CUX1: variants seen among roughly 807,000 people sequenced by gnomAD.
CUX1 encodes the protein protein CASP.
A neutral mutation model predicts 158.8 loss-of-function variants in CUX1; 31 were observed. That is an observed-to-expected ratio of 0.20 (90% confidence interval 0.15 to 0.26). CUX1 has a LOEUF of 0.26. CUX1 is among the 10% of genes least tolerant of loss of function. The pLI, the probability that CUX1 is intolerant of heterozygous loss-of-function variation, is 1.00. For synonymous variants in CUX1, 879 were observed against 862.1 expected (o/e 1.02, Z -0.34); for missense variants, 1,589 against 2,014.6 (o/e 0.79, Z 4.04).
At chr7:102,188,204 TA>T (rs35225944) in intron 11 of CUX1, among the ~76,000 whole-genome samples, 20 of 147,230 alleles carry the variant, frequency 1.4e-4, no homozygotes, top group South Asian at 4.3e-4. Flanking sequence ...GTCTCTTTTT[TA>T]AAAAAAAAAA....
At chr7:102,205,221 C>G in intron 20 of CUX1, 51 bp downstream of exon 20, 1 of 1,350,812 alleles carries the variant, frequency 7.4e-7, no homozygotes, top group Non-Finnish European at 1.1e-6. Context: ...ACTGCCTTTT[C>G]TGTTGTCCCG....
At chr7:102,156,581 A>G (rs1789786235) in intron 8 of CUX1, among the ~76,000 whole-genome samples, 1 of 152,128 alleles carries the variant, frequency 6.6e-6, no homozygotes, top group Non-Finnish European at 1.5e-5. Context: ...CCACCTCCCA[A>G]TGCCCCCACA....
At chr7:102,145,944 C>A (rs1055320402) in intron 8 of CUX1, among the ~76,000 whole-genome samples, 33 of 152,074 alleles carry the variant, frequency 2.2e-4, no homozygotes, top group African/African-American at 7.0e-4. Flanking sequence ...AAGACTCCAT[C>A]TCAAAAATAA....
At chr7:102,259,396 T>A (rs2694152), downstream of CUX1, among the ~76,000 whole-genome samples, 11 of 151,560 alleles carry the variant, frequency 7.3e-5, no homozygotes, top group African/African-American at 2.2e-4. Context: ...AAGACCAGCC[T>A]GGCCAACATG....
intron 1 of CUX1, among the ~76,000 whole-genome samples, chr7:101,910,091 T>G (rs1803248682): frequency 6.6e-6 from 1 of 152,136 alleles, no homozygotes; most frequent in Admixed American, 6.5e-5. Context: ...AGCTAATTTT[T>G]TGTATTTTTA....
chr7:102,046,612 T>A (rs1585407140), intron 3 of CUX1, among the ~76,000 whole-genome samples: 2 of 130,158 alleles, frequency 1.5e-5, no homozygotes, highest in African/African-American at 5.9e-5. Context: ...AGTCTCACTC[T>A]GTCACCCAGG....
At chr7:102,115,368 C>T (rs1831332681) in intron 8 of CUX1, 95 bp downstream of exon 8, 7 of 1,016,520 alleles carry the variant, frequency 6.9e-6, no homozygotes, top group South Asian at 4.5e-5. Context: ...GACCTCTGTG[C>T]TGCTGCAGGG....
chr7:102,221,733 C>G (rs1797820627), intron 20 of CUX1, among the ~76,000 whole-genome samples: 1 of 105,952 alleles, frequency 9.4e-6, no homozygotes. Flanking sequence ...GATTCAGTGC[C>G]TTGTAAAAAA....
chr7:101,956,468 TA>T (rs376460959), intron 2 of CUX1, among the ~76,000 whole-genome samples: 33 of 148,692 alleles, frequency 2.2e-4, no homozygotes, highest in Admixed American at 9.4e-4. Flanking sequence ...CAGGTCAGTT[TA>T]AAAAAAAAAA....
intron 23 of CUX1, 63 bp downstream of exon 23, chr7:102,239,647 G>A: frequency 6.5e-7 from 1 of 1,546,936 alleles, no homozygotes; most frequent in East Asian, 2.3e-5. Context: ...TCTGTCCGGA[G>A]GCCGCCATGG....
intron 15 of CUX1, chr7:102,273,543 C>T: frequency 1.3e-6 from 2 of 1,566,740 alleles, no homozygotes; most frequent in Non-Finnish European, 1.7e-6. Flanking sequence ...GCCCAACTGA[C>T]TTAGCCTCTG....
At chr7:101,836,325 A>G (rs966327638) in intron 1 of CUX1, among the ~76,000 whole-genome samples, 2 of 152,096 alleles carry the variant, frequency 1.3e-5, no homozygotes, top group Non-Finnish European at 2.9e-5. Flanking sequence ...TGCTGTGCAC[A>G]AAGTGATTTT....
downstream of CUX1, among the ~76,000 whole-genome samples, chr7:102,262,206 A>G (rs1273293407): frequency 6.6e-6 from 1 of 152,220 alleles, no homozygotes; most frequent in Non-Finnish European, 1.5e-5. Context: ...GATTGAGACC[A>G]TCCTGGCTAA....
chr7:101,979,274 G>A (rs1486413719), intron 2 of CUX1, among the ~76,000 whole-genome samples: 1 of 152,134 alleles, frequency 6.6e-6, no homozygotes, highest in Non-Finnish European at 1.5e-5. Flanking sequence ...GCCACTGGGT[G>A]GAAGAGGGGC....
exon 23 of CUX1, chr7:102,283,338 C>G (rs1232026042): frequency 1.7e-5 from 9 of 541,676 alleles, no homozygotes; most frequent in Non-Finnish European, 2.7e-5. Context: ...ACCCTCTCAG[C>G]CCCCACCTCA....
chr7:102,215,653 A>G (rs951707209), intron 20 of CUX1, among the ~76,000 whole-genome samples: 5 of 152,196 alleles, frequency 3.3e-5, no homozygotes, highest in African/African-American at 1.2e-4. Context: ...TGGTTTTTCT[A>G]ATACCATCGT....
chr7:102,140,806 G>A (rs570568468), intron 8 of CUX1, among the ~76,000 whole-genome samples: 21 of 151,764 alleles, frequency 1.4e-4, no homozygotes, highest in African/African-American at 2.7e-4. Context: ...CAGAGGTTGC[G>A]GTGAGCCAAG....
intron 8 of CUX1, among the ~76,000 whole-genome samples, chr7:102,115,958 T>G (rs1158477284): frequency 6.6e-6 from 1 of 151,976 alleles, no homozygotes; most frequent in Non-Finnish European, 1.5e-5. Context: ...CAGGCTAGAG[T>G]TTGAACCACT....
intron 3 of CUX1, among the ~76,000 whole-genome samples, chr7:102,056,977 C>T (rs965881195): frequency 6.6e-6 from 1 of 151,602 alleles, no homozygotes; most frequent in African/African-American, 2.4e-5. Context: ...TCTCGGCTCA[C>T]TGCAACCTCT....
Sources: allele counts gnomAD v4.1 joint callset (sites outside exome capture counted in the v4.1 genomes callset), GRCh38; gene constraint gnomAD v4.1.1; transcripts MANE v1.5; gene names NCBI Gene and HGNC (gene_info 2026-07-23, HGNC 2026-07-21).